YAP1: variants seen among roughly 807,000 people sequenced by gnomAD.
The protein encoded by YAP1 is Yes1 associated transcriptional regulator.
YAP1 carries 5 observed loss-of-function variants against 56.9 expected under a neutral mutation model. The ratio of observed to expected loss-of-function variants is 0.09; its 90% CI spans 0.05 to 0.18. The LOEUF is 0.18. Ranked by LOEUF, YAP1 falls within the 10% of genes least tolerant of loss-of-function variation. The pLI, the probability that YAP1 is intolerant of heterozygous loss-of-function variation, is 1.00. For missense variants in YAP1, 539 were observed against 651.8 expected, an observed-to-expected ratio of 0.83 and a Z score of 1.88; for synonymous variants, 265 against 248.1, an observed-to-expected ratio of 1.07 and a Z score of -0.64.
chr11:102,155,766 G>A (rs998003477), intron 2 of YAP1, among the ~76,000 whole-genome samples: 1 of 152,204 alleles, frequency 6.6e-6, no homozygotes, highest in Non-Finnish European at 1.5e-5. Flanking sequence ...GTTGTTAACA[G>A]TTGAAAATTT....
rs1950390085 is a variant in YAP1 at position 102,230,263 on chromosome 11, A to T, written c.*323A>T. 1 of 211,540 alleles carries T rather than the reference A, an allele frequency of 4.7e-6. No homozygotes were observed. The highest frequency in any genetic ancestry group is 2.3e-5 in the African/African-American group (1 of 43,246). The allele number at this position is 211,540 out of a possible 1,614,324, so 13.1% of individuals were successfully genotyped here. A position where few individuals can be genotyped will look rare whatever the true frequency, so the allele number is the denominator to read the frequency against. On this transcript the variant is annotated 3_prime_UTR_variant, in exon 9 of 9. Coordinates refer to ENST00000282441, the MANE Select transcript of YAP1 (RefSeq NM_001130145.3). ...GATGCCATTCCTTTTGCCCAGTTAAATGTTCACCAATCATTTTAACTAAAT... is the reference window on the plus strand; with the variant it reads ...GATGCCATTCCTTTTGCCCAGTTAATTGTTCACCAATCATTTTAACTAAAT...
At chr11:102,217,286 T>A (rs1949713301) in intron 6 of YAP1, among the ~76,000 whole-genome samples, 1 of 152,206 alleles carries the variant, frequency 6.6e-6, no homozygotes, top group Non-Finnish European at 1.5e-5. Flanking sequence ...TCCACATCAT[T>A]TAGAAAAATA....
intron 4 of YAP1, among the ~76,000 whole-genome samples, chr11:102,188,023 G>A (rs1948072653): frequency 6.6e-6 from 1 of 152,202 alleles, no homozygotes; most frequent in Non-Finnish European, 1.5e-5. Flanking sequence ...TGTAACTGAA[G>A]GGGGGCAGGA....
intron 2 of YAP1, among the ~76,000 whole-genome samples, chr11:102,121,448 A>AC (rs1429101225): frequency 9.2e-5 from 14 of 151,626 alleles, no homozygotes; most frequent in Admixed American, 2.0e-4. Flanking sequence ...CAAAAAAAAA[A>AC]AAAACTAAAA....
intron 2 of YAP1, among the ~76,000 whole-genome samples, chr11:102,115,567 C>T (rs1408646259): frequency 1.3e-5 from 2 of 151,338 alleles, no homozygotes; most frequent in African/African-American, 4.8e-5. Context: ...TTTTTTTGCC[C>T]CCTTTCCTGC....
chr11:102,139,407 T>C (rs1309020672), intron 2 of YAP1, among the ~76,000 whole-genome samples: 2 of 152,146 alleles, frequency 1.3e-5, no homozygotes, highest in African/African-American at 2.4e-5. Context: ...CCAACAGTCA[T>C]TCAAGCCCCC....
intron 6 of YAP1, among the ~76,000 whole-genome samples, chr11:102,211,240 CT>C (rs2135629025): frequency 6.6e-6 from 1 of 152,246 alleles, no homozygotes; most frequent in Admixed American, 6.5e-5. Flanking sequence ...TCAAATTCTT[CT>C]TGATCTTTGT....
At chr11:102,190,232 G>A (rs1948200858) in intron 4 of YAP1, among the ~76,000 whole-genome samples, 2 of 152,172 alleles carry the variant, frequency 1.3e-5, no homozygotes, top group South Asian at 4.1e-4. Context: ...AGTCTTTCCT[G>A]GTTATCCTGG....
chr11:102,149,004 A>T (rs752011472), intron 2 of YAP1, among the ~76,000 whole-genome samples: 5 of 152,064 alleles, frequency 3.3e-5, no homozygotes, highest in African/African-American at 4.8e-5. Flanking sequence ...TTACTTTTTT[A>T]CTGCTTTGTG....
rs569614608 is a variant in YAP1 at position 102,184,893 on chromosome 11, G to A, written c.689-1125G>A. ...CATTCCTGGTACTAACTAGCTTTGG[G>A]ATCTTGTACCAGACTGATCAACCTG... On this transcript the variant is annotated intron_variant, in intron 3 of 8. Transcript: ENST00000282441. Among the ~76,000 whole-genome samples, 10 of 152,304 alleles carry A rather than the reference G, an allele frequency of 6.6e-5. No individual in the cohort carries two copies. In the South Asian group the frequency reaches 2.1e-3, roughly 32 times the overall value.
chr11:102,183,488 T>A (rs1469417929), intron 3 of YAP1, among the ~76,000 whole-genome samples: 1 of 151,978 alleles, frequency 6.6e-6, no homozygotes, highest in Non-Finnish European at 1.5e-5. Flanking sequence ...TGAGAAGAGA[T>A]GACAAGCCAG....
chr11:102,114,228 G>C lies in YAP1; in HGVS notation c.406G>C (p.Ala136Pro). 1 of 1,614,072 alleles carries C rather than the reference G, an allele frequency of 6.2e-7. No individual in the cohort carries two copies. Residue 136 changes from alanine to proline, a missense_variant, in exon 2 of 9, where the codon GCT becomes CCT. Physicochemically the swap from Ala to Pro is conservative, Grantham distance 27 (BLOSUM62 -1). Transcript: ENST00000282441. ...HSSPASLQLG[A>P]VSPGTLTPTG... ...CTCTCCAGCTTCTCTGCAGTTGGGA[G>C]CTGTTTCTCCTGGGACACTGACCCC...
At position 102,122,253 on chromosome 11, in the gene YAP1, A is replaced by C. The variant is rs1361418292; in HGVS notation, c.572+7859A>C. On this transcript the variant is annotated intron_variant, in intron 2 of 8. Coordinates refer to ENST00000282441, the MANE Select transcript of YAP1 (RefSeq NM_001130145.3). The stretch of plus-strand genomic sequence containing the variant: ...TGGCCAACAGTGAAAACCGATCTCT[A>C]CTAAAAATAGAAGGAAAAAAAATGG... 2.0e-5 allele frequency among the ~76,000 whole-genome samples: 3 copies of C among 151,750 alleles called. No homozygotes were observed. In the South Asian group the frequency reaches 6.2e-4, roughly 32 times the overall value.
At chr11:102,134,805 C>A (rs1295637056) in intron 2 of YAP1, among the ~76,000 whole-genome samples, 1 of 152,066 alleles carries the variant, frequency 6.6e-6, no homozygotes, top group Non-Finnish European at 1.5e-5. Flanking sequence ...ACCTCCTGGG[C>A]TGAAGCGATC....
chr11:102,188,440 A>G (rs781126673), intron 4 of YAP1, among the ~76,000 whole-genome samples: 6 of 152,212 alleles, frequency 3.9e-5, no homozygotes, highest in Admixed American at 2.0e-4. Flanking sequence ...TTATAGTTAG[A>G]ATATAGCCAT....
chr11:102,129,700 T>C (rs748151737), intron 2 of YAP1, among the ~76,000 whole-genome samples: 9 of 151,790 alleles, frequency 5.9e-5, no homozygotes, highest in Non-Finnish European at 1.0e-4. Context: ...TATCTCAAGT[T>C]GAATTTCTCC....
At chr11:102,118,229 G>A (rs747600179) in intron 2 of YAP1, among the ~76,000 whole-genome samples, 3 of 152,050 alleles carry the variant, frequency 2.0e-5, no homozygotes, top group Non-Finnish European at 4.4e-5. Context: ...CATTTCCATT[G>A]TTTATCATTT....
Position 102,112,063 on chromosome 11 carries a change from G to A in YAP1, c.321+894G>A, listed in dbSNP as rs113165188. Among the ~76,000 whole-genome samples, 1,200 of 152,296 alleles carry A rather than the reference G, an allele frequency of 7.9e-3. 12 individuals carry two copies. The highest frequency in any genetic ancestry group is 0.028 in the African/African-American group (1,153 of 41,548). On this transcript the variant is annotated intron_variant, in intron 1 of 8. Transcript: ENST00000282441. Reference sequence around the variant, plus strand: ...ATTTACAGTCGGCTGAAACGCTTTTGAATTAGCCACATCTGTACGTTGCGC... The same window carrying A: ...ATTTACAGTCGGCTGAAACGCTTTTAAATTAGCCACATCTGTACGTTGCGC...
At chr11:102,221,406 C>T (rs184325745) in intron 6 of YAP1, among the ~76,000 whole-genome samples, 66 of 152,104 alleles carry the variant, frequency 4.3e-4, no homozygotes, top group Non-Finnish European at 4.6e-4. Context: ...TGTGATATAA[C>T]GTGCTTCTTT....
Sources: gnomAD v4.1 joint callset for allele counts (sites outside exome capture counted in the v4.1 genomes callset) on GRCh38, gnomAD v4.1.1 for gene constraint, MANE v1.5 for transcripts, NCBI Gene and HGNC (gene_info 2026-07-23, HGNC 2026-07-21) for gene names.